Variants in SPAG16 observed in about 807,000 individuals in gnomAD.
SPAG16 encodes the protein sperm-associated antigen 16 protein.
SPAG16 carries 86 observed loss-of-function variants against 80.4 expected under a neutral mutation model. The observed-to-expected ratio is 1.07, with a 90% confidence interval of 0.90 to 1.28. SPAG16 has a LOEUF of 1.28. Among genes scored for constraint, SPAG16 ranks in the 50% most tolerant of loss-of-function variants. The pLI is 0.00. For missense variants in SPAG16, 870 were observed against 765.3 expected (o/e 1.14, Z -1.61); for synonymous variants, 294 against 265.9 (o/e 1.11, Z -1.03).
chr2:213,707,249 T>G (rs2065796620), intron 10 of SPAG16, among the ~76,000 whole-genome samples: 1 of 152,184 alleles, frequency 6.6e-6, no homozygotes, highest in South Asian at 2.1e-4. Flanking sequence ...ATATGACAAT[T>G]TCTTACCTCT....
intron 10 of SPAG16, among the ~76,000 whole-genome samples, chr2:213,559,266 C>T (rs964412122): frequency 4.6e-5 from 7 of 152,102 alleles, no homozygotes; most frequent in African/African-American, 1.7e-4. Flanking sequence ...TGTTTATTCT[C>T]ATTTTAACTG....
At chr2:213,542,490 A>G (rs2076479902) in intron 10 of SPAG16, among the ~76,000 whole-genome samples, 1 of 152,116 alleles carries the variant, frequency 6.6e-6, no homozygotes, top group South Asian at 2.1e-4. Flanking sequence ...TGTCAGTAAA[A>G]TCCTCCCAGT....
At position 213,519,957 on chromosome 2, in the gene SPAG16, G is replaced by A. The variant is rs181892240; in HGVS notation, c.1070+29867G>A. On this transcript the variant is annotated intron_variant, in intron 10 of 15. Transcript: ENST00000331683. Reference sequence around the variant, plus strand: ...ATTAGCATGAGCCCTAATGCAGTATGACTGATGTCCTTATTAGAAAAGAAG... The same window carrying A: ...ATTAGCATGAGCCCTAATGCAGTATAACTGATGTCCTTATTAGAAAAGAAG... 1.1e-4 allele frequency among the ~76,000 whole-genome samples: 17 copies of A among 152,138 alleles called. No homozygotes were observed. In the East Asian group the frequency reaches 2.9e-3, roughly 26 times the overall value.
At chr2:213,994,130 A>G (rs540046971) in intron 12 of SPAG16, among the ~76,000 whole-genome samples, 1 of 152,210 alleles carries the variant, frequency 6.6e-6, no homozygotes, top group Admixed American at 6.5e-5. Flanking sequence ...TTTTTTTCAA[A>G]CTTGGTTTTC....
intron 9 of SPAG16, among the ~76,000 whole-genome samples, chr2:213,396,019 T>C (rs975523740): frequency 2.1e-5 from 3 of 142,368 alleles, no homozygotes; most frequent in Non-Finnish European, 4.9e-5. Flanking sequence ...AGTTTGCTTC[T>C]GGACTTTCTT....
chr2:214,312,850 CCTTT>C (rs1695432108), intron 15 of SPAG16, among the ~76,000 whole-genome samples: 1 of 151,974 alleles, frequency 6.6e-6, no homozygotes, highest in Non-Finnish European at 1.5e-5. Flanking sequence ...ATGGACTTTC[CCTTT>C]CTTGCTTTTT....
At chr2:214,134,975 C>A (rs2054969792) in intron 14 of SPAG16, among the ~76,000 whole-genome samples, 1 of 152,168 alleles carries the variant, frequency 6.6e-6, no homozygotes, top group African/African-American at 2.4e-5. Context: ...CACCTTCCTG[C>A]CTTCTCTTCC....
At chr2:213,662,960 G>GA (rs1462755613) in intron 10 of SPAG16, among the ~76,000 whole-genome samples, 1 of 152,056 alleles carries the variant, frequency 6.6e-6, no homozygotes, top group Non-Finnish European at 1.5e-5. Context: ...ATAGGTTCAA[G>GA]AATGTATAAG....
chr2:213,909,585 T>C (rs941958235), intron 11 of SPAG16, among the ~76,000 whole-genome samples: 5 of 151,942 alleles, frequency 3.3e-5, no homozygotes, highest in Admixed American at 6.6e-5. Flanking sequence ...TATCTACAAC[T>C]ATCTGATCTT....
intron 8 of SPAG16, among the ~76,000 whole-genome samples, chr2:213,369,821 C>A (rs1559464236): frequency 6.6e-6 from 1 of 152,066 alleles, no homozygotes; most frequent in Non-Finnish European, 1.5e-5. Context: ...ATACCACCTG[C>A]CCCCAGACAT....
At chr2:214,128,549 C>T (rs2054605917) in intron 14 of SPAG16, among the ~76,000 whole-genome samples, 1 of 151,742 alleles carries the variant, frequency 6.6e-6, no homozygotes. Context: ...AATATGCATC[C>T]AAATTGAATG....
intron 10 of SPAG16, among the ~76,000 whole-genome samples, chr2:213,859,567 T>C (rs189108678): frequency 6.6e-6 from 1 of 152,318 alleles, no homozygotes. Context: ...ATCCAAGCTC[T>C]GTAACAGGAA....
intron 10 of SPAG16, among the ~76,000 whole-genome samples, chr2:213,592,967 C>T (rs1482375546): frequency 6.6e-6 from 1 of 152,080 alleles, no homozygotes; most frequent in Non-Finnish European, 1.5e-5. Context: ...ATATTAATCT[C>T]CACTTTAGTA....
At chr2:213,597,228 CA>C (rs1188955915) in intron 10 of SPAG16, among the ~76,000 whole-genome samples, 2 of 152,044 alleles carry the variant, frequency 1.3e-5, no homozygotes, top group Non-Finnish European at 2.9e-5. Flanking sequence ...ATTGGTAATT[CA>C]ACACATATTT....
intron 10 of SPAG16, among the ~76,000 whole-genome samples, chr2:213,674,619 G>A (rs2063966055): frequency 1.3e-5 from 2 of 149,292 alleles, no homozygotes; most frequent in East Asian, 3.9e-4. Context: ...CCACCTATGA[G>A]TGAGAATATG....
chr2:213,824,017 G>C (rs1049654797), intron 10 of SPAG16, among the ~76,000 whole-genome samples: 1 of 152,146 alleles, frequency 6.6e-6, no homozygotes, highest in Admixed American at 6.5e-5. Context: ...TATTGCCTAG[G>C]TTTTCTACTA....
chr2:214,027,499 T>G (rs1350782403), intron 13 of SPAG16, among the ~76,000 whole-genome samples: 2 of 151,658 alleles, frequency 1.3e-5, no homozygotes, highest in Non-Finnish European at 3.0e-5. Flanking sequence ...TTCTTTTCAT[T>G]GAGATACATT....
chr2:213,548,359 C>G (rs568192040), intron 10 of SPAG16, among the ~76,000 whole-genome samples: 1 of 152,118 alleles, frequency 6.6e-6, no homozygotes, highest in African/African-American at 2.4e-5. Flanking sequence ...ACTACAGGCG[C>G]CCACCACCAT....
At chr2:213,887,022 A>AT (rs2076583199) in intron 11 of SPAG16, among the ~76,000 whole-genome samples, 1 of 152,038 alleles carries the variant, frequency 6.6e-6, no homozygotes, top group Non-Finnish European at 1.5e-5. Flanking sequence ...TTTTTTTTCT[A>AT]TTTTTAAAAC....
Sources: gnomAD v4.1 joint callset for allele counts (sites outside exome capture counted in the v4.1 genomes callset) on GRCh38, gnomAD v4.1.1 for gene constraint, MANE v1.5 for transcripts, NCBI Gene and HGNC (gene_info 2026-07-23, HGNC 2026-07-21) for gene names.